TGFBR3: variants seen among roughly 807,000 people sequenced by gnomAD.
The protein encoded by TGFBR3 is transforming growth factor beta receptor type 3.
In TGFBR3, 46 loss-of-function variants were observed where a neutral mutation model predicts 87.9. That is an observed-to-expected ratio of 0.52 (90% confidence interval 0.41 to 0.67). The LOEUF is 0.67. Among genes scored for constraint, TGFBR3 ranks in the 30% least tolerant of loss-of-function variants. TGFBR3 has a pLI of 0.00. For missense variants in TGFBR3, 866 were observed against 1,041.9 expected (o/e 0.83, Z 2.32); for synonymous variants, 381 against 391.6 (o/e 0.97, Z 0.32).
chr1:91,887,408 C>A (rs980558770), upstream of TGFBR3, among the ~76,000 whole-genome samples: 3 of 151,750 alleles, frequency 2.0e-5, no homozygotes, highest in African/African-American at 7.3e-5. Context: ...AATGCCACCA[C>A]GCCCAGCTAA....
intron 3 of TGFBR3, among the ~76,000 whole-genome samples, chr1:91,782,764 C>T (rs1185031608): frequency 1.3e-5 from 2 of 152,040 alleles, no homozygotes; most frequent in African/African-American, 4.8e-5. Flanking sequence ...TGTGCTCAGG[C>T]CTCTCAGCAG....
intron 2 of TGFBR3, among the ~76,000 whole-genome samples, chr1:91,836,320 A>C (rs924561437): frequency 1.3e-5 from 2 of 152,162 alleles, no homozygotes; most frequent in African/African-American, 4.8e-5. Flanking sequence ...AAACTTAACA[A>C]TTGCTAACTA....
intron 4 of TGFBR3, 32 bp downstream of exon 4, chr1:91,758,581 A>C: frequency 6.2e-7 from 1 of 1,613,512 alleles, no homozygotes; most frequent in East Asian, 2.2e-5. Flanking sequence ...CCTTGTGCTA[A>C]GGATCAGTTT....
intron 14 of TGFBR3, among the ~76,000 whole-genome samples, chr1:91,702,807 A>G (rs284872): frequency 0.92 from 140,596 of 152,252 alleles, 65,019 homozygotes; most frequent in South Asian, 0.94. Context: ...CACTTTGGGA[A>G]GCCGATGCAG....
At chr1:91,800,089 T>G (rs1675542935) in intron 2 of TGFBR3, among the ~76,000 whole-genome samples, 2 of 151,564 alleles carry the variant, frequency 1.3e-5, no homozygotes, top group African/African-American at 4.8e-5. Flanking sequence ...GGACAGCGAC[T>G]CTTTACAGAG....
chr1:91,702,021 C>T (rs1055174286), intron 14 of TGFBR3, among the ~76,000 whole-genome samples: 9 of 152,154 alleles, frequency 5.9e-5, no homozygotes, highest in African/African-American at 1.4e-4. Context: ...CATTTGGAAA[C>T]GTCTAGAGAC....
chr1:91,775,081 T>A (rs931333445), intron 3 of TGFBR3, among the ~76,000 whole-genome samples: 1 of 152,174 alleles, frequency 6.6e-6, no homozygotes, highest in African/African-American at 2.4e-5. Context: ...ATGGCATGGT[T>A]GGGACTAGAG....
chr1:91,730,053 A>T (rs1483817753), intron 5 of TGFBR3, 80 bp from the exon 6 acceptor site: 2 of 1,532,660 alleles, frequency 1.3e-6, no homozygotes, highest in Non-Finnish European at 1.8e-6. Flanking sequence ...TGACAGTGAA[A>T]CTGAGCAAAT....
At chr1:91,827,718 T>C (rs990607974) in intron 2 of TGFBR3, among the ~76,000 whole-genome samples, 2 of 152,200 alleles carry the variant, frequency 1.3e-5, no homozygotes, top group African/African-American at 2.4e-5. Flanking sequence ...ACAGGAAATA[T>C]CTGAGTGCTG....
rs1398757115 is a variant in TGFBR3, at chr1:91,680,827, T to C, written c.*2912A>G. ...GCCCACTAAGAACACAAGCAGGAAA[T>C]GGATTTACAATCTTATTACAAGGCA... On this transcript the variant is annotated 3_prime_UTR_variant, in exon 17 of 17. Transcript: ENST00000212355. The C allele has an allele frequency of 4.4e-6, 2 of 451,682 alleles. No homozygotes were observed. Among genetic ancestry groups the C allele is most frequent in the Admixed American group, 2.4e-5 (1 of 42,406 alleles). The allele number at this position is 451,682 out of a possible 1,614,324, so 28.0% of individuals were successfully genotyped here.
intron 3 of TGFBR3, among the ~76,000 whole-genome samples, chr1:91,777,131 C>T (rs1158929104): frequency 6.6e-6 from 1 of 152,194 alleles, no homozygotes; most frequent in Non-Finnish European, 1.5e-5. Flanking sequence ...CAAGGAACTG[C>T]TTCCAAGGCA....
chr1:91,887,826 C>A (rs1218893853), upstream of TGFBR3, among the ~76,000 whole-genome samples: 1 of 152,104 alleles, frequency 6.6e-6, no homozygotes, highest in African/African-American at 2.4e-5. Context: ...TATGGGAGAG[C>A]CCTGAGTCAG....
chr1:91,905,679 AGCCACC>A (rs923983406), intron 1 of TGFBR3: 32 of 152,182 alleles, frequency 2.1e-4, no homozygotes, highest in Non-Finnish European at 4.0e-4. Context: ...TACAGGCGCG[AGCCACC>A]GCGCCTGGCC....
chr1:91,755,185 T>G (rs565560869), intron 4 of TGFBR3: 34 of 152,242 alleles, frequency 2.2e-4, no homozygotes, highest in Non-Finnish European at 4.3e-4. Context: ...AAACTTTAAC[T>G]CTTAACTATA....
At position 91,682,609 on chromosome 1, in the gene TGFBR3, G is replaced by A. The variant is rs1670948303; in HGVS notation, c.*1130C>T. On this transcript the variant is annotated 3_prime_UTR_variant, in exon 17 of 17. Coordinates refer to ENST00000212355, the MANE Select transcript of TGFBR3 (RefSeq NM_003243.5). ...TCAGCACTGTCTTGGTGGAATTGGT[G>A]ACACTATTCAGATAACCAACTGGAG... 2.2e-6 allele frequency: 1 copy of A among 453,678 alleles called. No individual in the cohort carries two copies. Among genetic ancestry groups the A allele is most frequent in the Non-Finnish European group, 4.4e-6 (1 of 226,740 alleles). 28.1% of individuals were successfully genotyped at this position (453,678 alleles called of 1,614,324 possible). A position where few individuals can be genotyped will look rare whatever the true frequency, so the allele number is the denominator to read the frequency against.
At chr1:91,771,850 T>C (rs1475589935) in intron 3 of TGFBR3, among the ~76,000 whole-genome samples, 1 of 152,072 alleles carries the variant, frequency 6.6e-6, no homozygotes, top group Non-Finnish European at 1.5e-5. Flanking sequence ...ACACAATACC[T>C]GCCCTCAAGA....
chr1:91,854,609 C>T (rs553607841), intron 2 of TGFBR3, among the ~76,000 whole-genome samples: 1 of 152,206 alleles, frequency 6.6e-6, no homozygotes, highest in Non-Finnish European at 1.5e-5. Context: ...TAAGTGTTCT[C>T]ACCACAAAAA....
In TGFBR3 at chr1:91,746,428, C is replaced by T. The variant is rs569373543; in HGVS notation, c.385-11469G>A. Reference sequence around the variant, plus strand: ...AAATTCTTCAGACTCCTAACTTTACCCTTCCTCATCTGCCAATGTTAGCCT... The same window carrying T: ...AAATTCTTCAGACTCCTAACTTTACTCTTCCTCATCTGCCAATGTTAGCCT... On this transcript the variant is annotated intron_variant, in intron 4 of 16. Coordinates refer to ENST00000212355, the MANE Select transcript of TGFBR3 (RefSeq NM_003243.5). 3.3e-3 allele frequency among the ~76,000 whole-genome samples: 498 copies of T among 152,336 alleles called. 3 individuals carry two copies. Among genetic ancestry groups the T allele is most frequent in the African/African-American group, 0.012 (481 of 41,570 alleles).
chr1:91,874,253 C>A (rs1678697990), intron 1 of TGFBR3, among the ~76,000 whole-genome samples: 1 of 152,298 alleles, frequency 6.6e-6, no homozygotes. Flanking sequence ...GAAGCGAATT[C>A]TGTAGCTATT....
Sources: allele counts gnomAD v4.1 joint callset (sites outside exome capture counted in the v4.1 genomes callset), GRCh38; gene constraint gnomAD v4.1.1; transcripts MANE v1.5; gene names NCBI Gene and HGNC (gene_info 2026-07-23, HGNC 2026-07-21).